EFCAB6: variants seen among roughly 807,000 people sequenced by gnomAD.
The protein encoded by EFCAB6 is EF-hand calcium-binding domain-containing protein 6.
Under a neutral mutation model 169.8 loss-of-function variants are expected in EFCAB6, and 156 were observed. The ratio of observed to expected loss-of-function variants is 0.92; its 90% confidence interval spans 0.81 to 1.05. EFCAB6 has a LOEUF of 1.05. Among genes scored for constraint, EFCAB6 ranks in the 50% least tolerant of loss-of-function variants. The pLI, the probability that EFCAB6 is intolerant of heterozygous loss-of-function variation, is 0.00. For missense variants in EFCAB6, 1,800 were observed against 1,829.1 expected (o/e 0.98, Z 0.29); for synonymous variants, 698 against 676.4 (o/e 1.03, Z -0.50).
intron 3 of EFCAB6, among the ~76,000 whole-genome samples, chr22:43,781,413 T>C (rs2061819796): frequency 6.6e-6 from 1 of 152,162 alleles, no homozygotes; most frequent in South Asian, 2.1e-4. Flanking sequence ...AGTCTTGACC[T>C]CCAGGGCCTA....
chr22:43,670,089 C>T (rs946647763), intron 15 of EFCAB6, among the ~76,000 whole-genome samples: 1 of 152,158 alleles, frequency 6.6e-6, no homozygotes, highest in Non-Finnish European at 1.5e-5. Flanking sequence ...AGCCTTTCTA[C>T]CAGGCTCTCT....
At chr22:43,539,620 TGGC>T (rs1255812458) in intron 28 of EFCAB6, among the ~76,000 whole-genome samples, 2 of 152,104 alleles carry the variant, frequency 1.3e-5, no homozygotes, top group African/African-American at 4.8e-5. Context: ...AGGCCTGGGG[TGGC>T]TCAGCCAGGG....
chr22:43,675,703 T>C (rs2057726575), intron 13 of EFCAB6, among the ~76,000 whole-genome samples: 1 of 146,886 alleles, frequency 6.8e-6, no homozygotes, highest in Admixed American at 6.9e-5. Flanking sequence ...AATCATAAAG[T>C]GATGCAAAAA....
In EFCAB6 at chr22:43,562,334, A is replaced by G. The variant is rs905241542; in HGVS notation, c.3421-7238T>C. 4.9e-4 allele frequency among the ~76,000 whole-genome samples: 75 copies of G among 152,214 alleles called. 1 individual carries two copies. The highest frequency in any genetic ancestry group is 2.4e-4 in the Non-Finnish European group (16 of 68,042). On this transcript the variant is annotated intron_variant, in intron 26 of 31. Transcript: ENST00000262726. ...CAATACATGAAGTATACAGTCATCA[A>G]AGAGGCTACTCACACCCCACTTTGA...
rs543663907 is a variant in EFCAB6, at chr22:43,580,087, C to G, written c.3228+377G>C. ...CACAATGAAGTCTCTGTGCCACAAC[C>G]TGGCTCAGTTCAACCTCTTCAAGGC... On this transcript the variant is annotated intron_variant, in intron 25 of 31. Transcript: ENST00000262726. 3.1e-3 allele frequency among the ~76,000 whole-genome samples: 466 copies of G among 152,300 alleles called. 2 individuals carry two copies. Among genetic ancestry groups the G allele is most frequent in the African/African-American group, 0.011 (444 of 41,554 alleles).
chr22:43,713,025 G>C (rs1199940248), intron 9 of EFCAB6, among the ~76,000 whole-genome samples: 1 of 152,056 alleles, frequency 6.6e-6, no homozygotes, highest in Non-Finnish European at 1.5e-5. Flanking sequence ...TCATATTCTT[G>C]ATGGAAAAGC....
At chr22:43,728,403 T>A (rs1382045218) in intron 8 of EFCAB6, among the ~76,000 whole-genome samples, 1 of 152,204 alleles carries the variant, frequency 6.6e-6, no homozygotes, top group Non-Finnish European at 1.5e-5. Flanking sequence ...GTAGAATGAT[T>A]TATAATCTTT....
At chr22:43,618,161 G>A (rs867258405) in intron 20 of EFCAB6, among the ~76,000 whole-genome samples, 1 of 62,302 alleles carries the variant, frequency 1.6e-5, no homozygotes, top group Admixed American at 2.0e-4. Context: ...AAGGAAGGAA[G>A]GAAGGAAAGA....
rs749841658 is a variant in EFCAB6, at chr22:43,576,379, AAAT to A, written c.3335_3337del (p.Tyr1112del). 1.6e-5 allele frequency: 26 copies of A among 1,602,012 alleles called. 1 individual carries two copies. Among genetic ancestry groups the A allele is most frequent in the Non-Finnish European group, 2.2e-5 (26 of 1,176,960 alleles). ...TAGATGAATTCTTAGTTTCCTCAAA[AAAT>A]AATGATACTGATTGTCCGTTAGTTT... On this transcript the variant is annotated inframe_deletion, in exon 26 of 32. Transcript: ENST00000262726.
Position 43,643,982 on chromosome 22 carries a change from C to A in EFCAB6, c.1984-8766G>T, listed in dbSNP as rs2147997218. On this transcript the variant is annotated intron_variant, in intron 17 of 31. Transcript: ENST00000262726. ...GGGACTACAGGCGCCCACCATGACG[C>A]CTGGCAAATTTTTGTATTTTTAGTA... is the stretch of plus-strand genomic sequence containing the variant. 1.3e-5 allele frequency among the ~76,000 whole-genome samples: 2 copies of A among 152,120 alleles called. 1 individual carries two copies. The highest frequency in any genetic ancestry group is 4.2e-4 in the South Asian group (2 of 4,814).
chr22:43,594,755 A>G (rs2051865996), intron 23 of EFCAB6, among the ~76,000 whole-genome samples: 1 of 152,236 alleles, frequency 6.6e-6, no homozygotes, highest in African/African-American at 2.4e-5. Flanking sequence ...AGAAACATCA[A>G]GTTAAACTAT....
At chr22:43,719,483 G>A (rs1249594394) in intron 8 of EFCAB6, among the ~76,000 whole-genome samples, 2 of 152,124 alleles carry the variant, frequency 1.3e-5, no homozygotes. Flanking sequence ...CAAAACAGAA[G>A]TTAGCAAAAT....
At chr22:43,669,174 G>T in intron 15 of EFCAB6, 129 bp from the exon 16 acceptor site, 1 of 738,236 alleles carries the variant, frequency 1.4e-6, no homozygotes, top group Non-Finnish European at 2.0e-6. Flanking sequence ...AATGTAAAAT[G>T]GTACAACCAC....
intron 21 of EFCAB6, among the ~76,000 whole-genome samples, chr22:43,611,757 C>G (rs59316629): frequency 0.044 from 6,649 of 152,210 alleles, 164 homozygotes; most frequent in African/African-American, 0.067. Context: ...AAGATCACAC[C>G]ACTGCACTCC....
At chr22:43,705,884 G>A (rs991842838) in intron 10 of EFCAB6, among the ~76,000 whole-genome samples, 1 of 151,898 alleles carries the variant, frequency 6.6e-6, no homozygotes, top group Non-Finnish European at 1.5e-5. Flanking sequence ...AAATAATAAA[G>A]ATCAAAGCAG....
intron 2 of EFCAB6, among the ~76,000 whole-genome samples, chr22:43,807,179 T>C (rs1490090840): frequency 6.6e-6 from 1 of 152,240 alleles, no homozygotes; most frequent in Non-Finnish European, 1.5e-5. Context: ...ACACTATGAC[T>C]GCAAGGGATA....
intron 2 of EFCAB6, among the ~76,000 whole-genome samples, chr22:43,787,072 T>C (rs562070879): frequency 6.6e-6 from 1 of 152,252 alleles, no homozygotes; most frequent in Admixed American, 6.5e-5. Flanking sequence ...CTTGACTTAA[T>C]AAAGGACATC....
At chr22:43,792,976 G>C (rs762871512) in intron 2 of EFCAB6, among the ~76,000 whole-genome samples, 5 of 152,202 alleles carry the variant, frequency 3.3e-5, no homozygotes, top group Non-Finnish European at 7.3e-5. Flanking sequence ...CCTTGTTGCA[G>C]TGATTGCTGA....
In EFCAB6 at chr22:43,795,296, T is replaced by G. The variant is rs977534036; in HGVS notation, c.-7-12971A>C. 7.9e-5 allele frequency among the ~76,000 whole-genome samples: 12 copies of G among 152,204 alleles called. No individual in the cohort carries two copies. The highest frequency in any genetic ancestry group is 1.6e-4 in the Non-Finnish European group (11 of 68,032). ...TGAATACAACGATATAAAAATATATTGTCACAAATAGACAGGGACTAGAAG... is the reference window on the plus strand; with the variant it reads ...TGAATACAACGATATAAAAATATATGGTCACAAATAGACAGGGACTAGAAG... On this transcript the variant is annotated intron_variant, in intron 2 of 31. Transcript: ENST00000262726. The surrounding 1 kb of genome is among the most constrained non-coding windows in gnomAD (Gnocchi z 4.2).
Sources: allele counts gnomAD v4.1 joint callset (sites outside exome capture counted in the v4.1 genomes callset), GRCh38; gene constraint gnomAD v4.1.1; non-coding constraint Gnocchi (gnomAD v3.1); transcripts MANE v1.5; gene names NCBI Gene and HGNC (gene_info 2026-07-23, HGNC 2026-07-21).